Variants in USP30 observed in about 807,000 individuals in gnomAD.
USP30 encodes ubiquitin specific peptidase 30.
A neutral mutation model predicts 68.2 loss-of-function variants in USP30; 41 were observed. The ratio of observed to expected loss-of-function variants is 0.60; its 90% CI spans 0.47 to 0.78. USP30 has a LOEUF of 0.78. Among genes scored for constraint, USP30 ranks in the 30% least tolerant of loss-of-function variants. The pLI is 0.00. For missense variants in USP30, 522 were observed against 649.4 expected, an observed-to-expected ratio of 0.80 and a Z score of 2.13; for synonymous variants, 229 against 253.7, an observed-to-expected ratio of 0.90 and a Z score of 0.93.
At position 109,081,327 on chromosome 12, in the gene USP30, C is replaced by A; in HGVS notation, c.721-7C>A. 6.2e-7 allele frequency: 1 copy of A among 1,613,834 alleles called. No individual in the cohort carries two copies. On this transcript the variant is annotated splice_region_variant and splice_polypyrimidine_tract_variant and intron_variant, in intron 7 of 12. Transcript: ENST00000257548. ...CGTTTCTGGATTTTCTGCAATATTT[C>A]TTTCAGAGTCCTGTTCGATTTGATA...
intron 2 of USP30, among the ~76,000 whole-genome samples, chr12:109,027,251 C>A (rs770708835): frequency 6.6e-6 from 1 of 152,132 alleles, no homozygotes; most frequent in African/African-American, 2.4e-5. Context: ...CTCCTCCCAG[C>A]CTCTGGTAAC....
chr12:109,024,120 T>C (rs920943403), intron 1 of USP30, among the ~76,000 whole-genome samples: 1 of 152,134 alleles, frequency 6.6e-6, no homozygotes, highest in African/African-American at 2.4e-5. Flanking sequence ...TTGCATTTCC[T>C]CATCAGAAAT....
intron 4 of USP30, among the ~76,000 whole-genome samples, chr12:109,071,199 G>T (rs909128151): frequency 3.9e-5 from 6 of 152,232 alleles, no homozygotes; most frequent in African/African-American, 7.2e-5. Context: ...AAGATGGATG[G>T]CAGTGATGAT....
intron 3 of USP30, among the ~76,000 whole-genome samples, chr12:109,062,135 C>G (rs1241548973): frequency 6.6e-6 from 1 of 151,836 alleles, no homozygotes; most frequent in African/African-American, 2.4e-5. Flanking sequence ...GGGTTTCACA[C>G]TGTTGCCTAG....
intron 3 of USP30, among the ~76,000 whole-genome samples, chr12:109,035,652 A>G (rs1250350144): frequency 5.9e-5 from 9 of 152,284 alleles, no homozygotes; most frequent in South Asian, 4.1e-4. Context: ...GTGAGCCACC[A>G]CACCCAGCCA....
At chr12:109,081,790 C>T in intron 8 of USP30, 143 bp from the exon 9 acceptor site, 1 of 818,298 alleles carries the variant, frequency 1.2e-6, no homozygotes, top group Non-Finnish European at 2.0e-6. Context: ...CCATGTTTGT[C>T]CAGGAAACAT....
At position 109,052,673 on chromosome 12, in the gene USP30, G is replaced by T; in HGVS notation, c.-6G>T. ...GAGACGGTTTCAGGCCTCCGGTGCG[G>T]CTGCAATGCTGAGCTCCCGGGCCGA... On this transcript the variant is annotated 5_prime_UTR_variant, in exon 1 of 13. Coordinates refer to ENST00000257548, the MANE Select transcript of USP30 (RefSeq NM_032663.5). 1.3e-6 allele frequency: 2 copies of T among 1,503,572 alleles called. No individual in the cohort carries two copies. The allele number at this position is 1,503,572 out of a possible 1,614,324, so 93.1% of individuals were successfully genotyped here. A position where few individuals can be genotyped will look rare whatever the true frequency, so the allele number is the denominator to read the frequency against.
chr12:109,047,138 C>T (rs1281718670), intron 3 of USP30, among the ~76,000 whole-genome samples: 1 of 151,436 alleles, frequency 6.6e-6, no homozygotes, highest in Non-Finnish European at 1.5e-5. Flanking sequence ...ACTCCTCCAA[C>T]GGGTTTAGTG....
At chr12:109,061,718 A>T (rs2041073103) in intron 3 of USP30, among the ~76,000 whole-genome samples, 1 of 151,750 alleles carries the variant, frequency 6.6e-6, no homozygotes, top group South Asian at 2.1e-4. Flanking sequence ...CCTATAAATA[A>T]TTTTTTAATT....
At chr12:109,027,044 G>C (rs1026511028) in intron 2 of USP30, among the ~76,000 whole-genome samples, 2 of 152,130 alleles carry the variant, frequency 1.3e-5, no homozygotes, top group African/African-American at 4.8e-5. Flanking sequence ...CACATTATGG[G>C]GTTAGGGCTT....
chr12:109,045,485 G>T (rs1029549925), intron 3 of USP30, among the ~76,000 whole-genome samples: 1 of 152,142 alleles, frequency 6.6e-6, no homozygotes, highest in African/African-American at 2.4e-5. Flanking sequence ...GCTCAGGTCG[G>T]AGGCAGAATT....
intron 8 of USP30, 75 bp from the exon 9 acceptor site, chr12:109,081,858 C>T: frequency 7.1e-7 from 1 of 1,415,450 alleles, no homozygotes; most frequent in South Asian, 1.2e-5. Flanking sequence ...CTCTGGTCTT[C>T]ACACTGCCAT....
Position 109,084,964 on chromosome 12 carries a change from C to T in USP30, c.1180C>T (p.Pro394Ser). 6.3e-7 allele frequency: 1 copy of T among 1,598,364 alleles called. No homozygotes were observed. The highest frequency in any genetic ancestry group is 8.5e-7 in the Non-Finnish European group (1 of 1,171,040). ...TTTTTCTCTTGCAGTTCTGAATCAG[C>T]CAGGGGCCCCCAAAACACAGATTTT... is the stretch of plus-strand genomic sequence containing the variant. ...PGAPTPVLNQ[P>S]GAPKTQIFMN... Residue 394 changes from proline (P) to serine (S), a missense_variant, in exon 12 of 13, where the codon CCA (proline) becomes TCA (serine). By Grantham distance (74) the Pro-to-Ser change is moderately conservative. Coordinates refer to ENST00000257548, the MANE Select transcript of USP30 (RefSeq NM_032663.5).
intron 7 of USP30, among the ~76,000 whole-genome samples, chr12:109,079,189 T>G (rs1298484819): frequency 2.0e-5 from 3 of 151,974 alleles, no homozygotes; most frequent in Non-Finnish European, 2.9e-5. Flanking sequence ...ATTTTTCACT[T>G]GTTATTTTAC....
At chr12:109,061,166 A>G (rs947346106) in intron 3 of USP30, among the ~76,000 whole-genome samples, 2 of 152,174 alleles carry the variant, frequency 1.3e-5, no homozygotes, top group African/African-American at 4.8e-5. Flanking sequence ...CATTAGGATT[A>G]AAGACAGGAG....
chr12:109,037,962 A>C (rs2040533291), intron 3 of USP30, among the ~76,000 whole-genome samples: 1 of 152,078 alleles, frequency 6.6e-6, no homozygotes, highest in Non-Finnish European at 1.5e-5. Flanking sequence ...ATTACATCTG[A>C]ATTTTTCAAA....
chr12:109,064,753 A>G (rs2135746207), intron 3 of USP30, among the ~76,000 whole-genome samples: 2 of 152,332 alleles, frequency 1.3e-5, no homozygotes, highest in Admixed American at 1.3e-4. Context: ...GGATTGAGAA[A>G]GTAAAATTGC....
chr12:109,063,381 G>A (rs764856358), intron 3 of USP30, among the ~76,000 whole-genome samples: 16 of 152,136 alleles, frequency 1.1e-4, no homozygotes, highest in Non-Finnish European at 1.9e-4. Context: ...GATTACAGGC[G>A]TGAGCCACCA....
intron 7 of USP30, among the ~76,000 whole-genome samples, chr12:109,079,351 CTTTTTTTTTTTTTTTTTT>C: frequency 2.0e-5 from 1 of 48,796 alleles, no homozygotes; most frequent in South Asian, 9.8e-4. Flanking sequence ...TTTTTTTTTT[CTTTTTTTTTTTTTTTTTT>C]TTTTTTTTTT....
Sources: allele counts gnomAD v4.1 joint callset (sites outside exome capture counted in the v4.1 genomes callset), GRCh38; gene constraint gnomAD v4.1.1; transcripts MANE v1.5; gene names NCBI Gene and HGNC (gene_info 2026-07-23, HGNC 2026-07-21).